The following PCDHA5 variants were observed in gnomAD, a reference collection of about 807,000 sequenced individuals.
PCDHA5 encodes protocadherin alpha-5.
A neutral mutation model predicts 61.6 loss-of-function variants in PCDHA5; 43 were observed. The ratio of observed to expected loss-of-function variants is 0.70; its 90% CI spans 0.55 to 0.90. PCDHA5 has a LOEUF of 0.90. Among genes scored for constraint, PCDHA5 ranks in the 40% least tolerant of loss-of-function variants. The pLI is 0.00. For synonymous variants in PCDHA5, 627 were observed against 543.9 expected, an observed-to-expected ratio of 1.15 and a Z score of -2.13; for missense variants, 1,298 against 1,222.7, an observed-to-expected ratio of 1.06 and a Z score of -0.92.
intron 1 of PCDHA5, among the ~76,000 whole-genome samples, chr5:140,940,287 C>T (rs190568424): frequency 6.6e-6 from 1 of 152,272 alleles, no homozygotes; most frequent in East Asian, 1.9e-4. Context: ...CATTGTGCTG[C>T]TTCATCAGTA....
At chr5:140,870,508 C>T in intron 1 of PCDHA5, 1 of 1,614,244 alleles carries the variant, frequency 6.2e-7, no homozygotes, top group Non-Finnish European at 8.5e-7. Flanking sequence ...GAACAACCCA[C>T]CAGGCTGCCA....
chr5:140,907,864 G>T (rs1033952784), intron 1 of PCDHA5, among the ~76,000 whole-genome samples: 1 of 152,202 alleles, frequency 6.6e-6, no homozygotes, highest in Non-Finnish European at 1.5e-5. Context: ...GAGGCCAGCC[G>T]TTGGTGAGCA....
chr5:140,937,544 G>A (rs1584916814), intron 1 of PCDHA5, among the ~76,000 whole-genome samples: 1 of 151,510 alleles, frequency 6.6e-6, no homozygotes, highest in South Asian at 2.1e-4. Flanking sequence ...TTGAACCTGC[G>A]AGGCAGAGGT....
chr5:140,902,783 G>A (rs1013396334), intron 1 of PCDHA5, among the ~76,000 whole-genome samples: 19 of 151,054 alleles, frequency 1.3e-4, no homozygotes, highest in Admixed American at 9.2e-4. Flanking sequence ...TCATAGCTTA[G>A]CTCTCACTTG....
intron 1 of PCDHA5, among the ~76,000 whole-genome samples, chr5:140,941,191 T>TTTCTTTCTTCCTTTCTTCC (rs1487503403): frequency 1.1e-5 from 1 of 93,258 alleles, no homozygotes; most frequent in African/African-American, 3.9e-5. Flanking sequence ...GCTTCTTTTT[T>TTTCTTTCTTCCTTTCTTCC]TTTCTTTCTT....
chr5:140,823,975 G>A lies in PCDHA5; in HGVS notation c.2200G>A (p.Gly734Ser). The A allele has an allele frequency of 1.2e-6, 2 of 1,614,062 alleles. No homozygotes were observed. The highest frequency in any genetic ancestry group is 1.7e-6 in the Non-Finnish European group (2 of 1,180,002). ...GCCCACCGAGGCCGTGTGCACACGG[G>A]GCAAGCCCACTCTGTTGTGCTCCAG... ...AQPTEAVCTRGKPTLLCSSAV... is the reference protein window; with the variant it reads ...AQPTEAVCTRSKPTLLCSSAV... Residue 734 changes from glycine (G) to serine (S), a missense_variant, in exon 1 of 4, where the codon GGC (glycine) becomes AGC (serine). Physicochemically the swap from Gly to Ser is moderately conservative, Grantham distance 56. Coordinates refer to ENST00000529859, the MANE Select transcript of PCDHA5 (RefSeq NM_018908.3).
In PCDHA5 at chr5:140,936,310, T is replaced by C. The variant is rs541948860; in HGVS notation, c.2353-42639T>C. 5.3e-5 allele frequency among the ~76,000 whole-genome samples: 8 copies of C among 152,318 alleles called. No individual in the cohort carries two copies. The South Asian group carries it at 1.4e-3, about 28-fold the overall frequency. ...TATAACATTGCTATCCAATAGAACT[T>C]TCTGACATGCTATAAATTTTCTCTA... On this transcript the variant is annotated intron_variant, in intron 1 of 3. Transcript: ENST00000529859.
rs926604630 is a variant in PCDHA5 at position 140,857,768 on chromosome 5, G to C, written c.2352+33641G>C. ...GGCGTCTCCCGCTGGCAGCGCGGGC[G>C]GTGCAGTCAGTGAGCTGGTGCTGCG... On this transcript the variant is annotated intron_variant, in intron 1 of 3. Transcript: ENST00000529859. 6 of 1,597,542 alleles carry C rather than the reference G, an allele frequency of 3.8e-6. 2 individuals carry two copies. In the South Asian group the frequency reaches 5.5e-5, roughly 15 times the overall value.
chr5:140,986,195 A>C (rs1200850544), intron 3 of PCDHA5, among the ~76,000 whole-genome samples: 1 of 152,196 alleles, frequency 6.6e-6, no homozygotes, highest in African/African-American at 2.4e-5. Context: ...TAAATTGGTT[A>C]ATCCTGATTA....
At chr5:140,919,910 A>C (rs1350361054) in intron 1 of PCDHA5, among the ~76,000 whole-genome samples, 1 of 152,204 alleles carries the variant, frequency 6.6e-6, no homozygotes. Flanking sequence ...GGATGAAATT[A>C]CCCTAAATTT....
In PCDHA5 at chr5:140,856,006, T is replaced by C. The variant is rs782149074; in HGVS notation, c.2352+31879T>C. ...AAAATGTCAGATCGTATGTGCGTTC[T>C]AGACCGCTGATTCGTCGATTTGTAA... is the stretch of plus-strand genomic sequence containing the variant. On this transcript the variant is annotated intron_variant, in intron 1 of 3. Coordinates refer to ENST00000529859, the MANE Select transcript of PCDHA5 (RefSeq NM_018908.3). The C allele has an allele frequency of 9.1e-6, 14 of 1,540,444 alleles. No individual in the cohort carries two copies. The African/African-American group carries it at 1.4e-4, about 15-fold the overall frequency.
rs1587841717 is a variant in PCDHA5, at chr5:140,999,568, GA to G, written c.2501-10058del. On this transcript the variant is annotated intron_variant, in intron 3 of 3. Transcript: ENST00000529859. ...ATGAAGAGGGGGTATTTTGAGAAGA[GA>G]CTATAAAGGGAAATTGCCTTCCCTA... Among the ~76,000 whole-genome samples the G allele has an allele frequency of 2.0e-5, 3 of 152,084 alleles. No homozygotes were observed. In the South Asian group the frequency reaches 6.2e-4, roughly 32 times the overall value.
intron 1 of PCDHA5, among the ~76,000 whole-genome samples, chr5:140,846,665 C>T (rs1299063371): frequency 3.4e-5 from 5 of 149,130 alleles, no homozygotes; most frequent in East Asian, 3.9e-4. Context: ...TGAGCCACCG[C>T]GCCCAGCCTA....
chr5:140,842,664 T>A lies in PCDHA5; in HGVS notation c.2352+18537T>A. 1.9e-6 allele frequency: 3 copies of A among 1,595,188 alleles called. No homozygotes were observed. In the South Asian group the frequency reaches 3.3e-5, roughly 18 times the overall value. On this transcript the variant is annotated intron_variant, in intron 1 of 3. Transcript: ENST00000529859. The stretch of plus-strand genomic sequence containing the variant: ...AGCTTGTCTGTGGAGGTGGCCGACG[T>A]GAACGACAATGCTCCGGCGTTCGCG...
chr5:140,916,051 G>A (rs2153537424), intron 1 of PCDHA5, among the ~76,000 whole-genome samples: 1 of 152,240 alleles, frequency 6.6e-6, no homozygotes, highest in African/African-American at 2.4e-5. Context: ...ACAGGCAGAG[G>A]TGCCTCTCCC....
At chr5:140,849,106 A>C (rs2150430593) in intron 1 of PCDHA5, 1 of 1,455,018 alleles carries the variant, frequency 6.9e-7, no homozygotes, top group South Asian at 1.2e-5. Flanking sequence ...GACAGAGAAG[A>C]AACTCCGGAG....
At position 140,843,837 on chromosome 5, in the gene PCDHA5, T is replaced by C. The variant is rs1433979959; in HGVS notation, c.2352+19710T>C. ...GTGAAAATTTAAACATTGTTTAGTT[T>C]TTAGAAACCTTTTATAATTAATTGA... On this transcript the variant is annotated intron_variant, in intron 1 of 3. Coordinates refer to ENST00000529859, the MANE Select transcript of PCDHA5 (RefSeq NM_018908.3). The C allele has an allele frequency of 3.8e-5, 40 of 1,048,116 alleles. 5 individuals are homozygous for C. The Admixed American group carries it at 1.1e-3, about 28-fold the overall frequency. 64.9% of individuals were successfully genotyped at this position (1,048,116 alleles called of 1,614,324 possible). A position where few individuals can be genotyped will look rare whatever the true frequency, so the allele number is the denominator to read the frequency against.
Position 141,010,042 on chromosome 5 carries a change from TAGAGACCTCAG to T in PCDHA5, c.*107_*117del. ...TTTTTCCTATCTACATGAGCCCTCTTAGAGACCTCAGAAATCTGCAGAAAGTTCCCTGTGTC... is the reference window on the plus strand; with the variant it reads ...TTTTTCCTATCTACATGAGCCCTCTTAAATCTGCAGAAAGTTCCCTGTGTC... On this transcript the variant is annotated 3_prime_UTR_variant, in exon 4 of 4. Transcript: ENST00000529859. 6.3e-7 allele frequency: 1 copy of T among 1,594,374 alleles called. No individual in the cohort carries two copies. The highest frequency in any genetic ancestry group is 1.2e-5 in the South Asian group (1 of 86,942).
intron 1 of PCDHA5, among the ~76,000 whole-genome samples, chr5:140,846,576 A>G (rs1780570619): frequency 6.7e-6 from 1 of 148,418 alleles, no homozygotes; most frequent in African/African-American, 2.5e-5. Context: ...GGGTTTCACC[A>G]TGTTAGCCAG....
Sources: allele counts gnomAD v4.1 joint callset (sites outside exome capture counted in the v4.1 genomes callset), GRCh38; gene constraint gnomAD v4.1.1; transcripts MANE v1.5; gene names NCBI Gene and HGNC (gene_info 2026-07-23, HGNC 2026-07-21).